Variants in HTR7 observed in about 807,000 individuals in gnomAD.
HTR7 encodes the protein 5-HT-7.
A neutral mutation model predicts 34.0 loss-of-function variants in HTR7; 16 were observed. The observed-to-expected ratio is 0.47, with a 90% CI of 0.32 to 0.71. The LOEUF is 0.71. HTR7 is among the 30% of genes least tolerant of loss of function. The pLI is 0.04. For synonymous variants in HTR7, 265 were observed against 260.2 expected (o/e 1.02, Z -0.18); for missense variants, 504 against 625.5 (o/e 0.81, Z 2.07).
rs555345880 is a variant in HTR7 at position 90,822,761 on chromosome 10, G to C, written c.539+34372C>G. On this transcript the variant is annotated intron_variant, in intron 1 of 3. Coordinates refer to ENST00000336152, the MANE Select transcript of HTR7 (RefSeq NM_019859.4). ...GCTGGGAGGGAAGAATGGTTTCATGGGCCAGGACCAGGAACCTGCTGCTCT... is the reference window on the plus strand; with the variant it reads ...GCTGGGAGGGAAGAATGGTTTCATGCGCCAGGACCAGGAACCTGCTGCTCT... Among the ~76,000 whole-genome samples the C allele has an allele frequency of 4.7e-4, 71 of 152,312 alleles. 3 individuals are homozygous for C. The South Asian group carries it at 0.015, about 32-fold the overall frequency.
intron 1 of HTR7, among the ~76,000 whole-genome samples, chr10:90,826,692 C>T (rs978706312): frequency 2.6e-5 from 4 of 152,160 alleles, no homozygotes; most frequent in African/African-American, 7.2e-5. Flanking sequence ...AATCCCAGCA[C>T]TTTGGGAGGC....
chr10:90,822,520 G>A (rs1453432558), intron 1 of HTR7, among the ~76,000 whole-genome samples: 2 of 152,198 alleles, frequency 1.3e-5, no homozygotes, highest in Non-Finnish European at 2.9e-5. Flanking sequence ...TGGAACTTAT[G>A]TTTAAAAGGG....
At chr10:90,829,029 T>C (rs1846124881) in intron 1 of HTR7, among the ~76,000 whole-genome samples, 3 of 152,096 alleles carry the variant, frequency 2.0e-5, no homozygotes, top group African/African-American at 4.8e-5. Context: ...TTCAACAACA[T>C]ACTAAAAAGA....
chr10:90,799,673 T>C (rs528964676), intron 1 of HTR7, among the ~76,000 whole-genome samples: 9 of 152,280 alleles, frequency 5.9e-5, no homozygotes, highest in Middle Eastern at 3.4e-3. Flanking sequence ...TGTTTAAATA[T>C]AATATTTCCA....
intron 1 of HTR7, among the ~76,000 whole-genome samples, chr10:90,840,003 CT>C (rs986694810): frequency 6.6e-6 from 1 of 151,668 alleles, no homozygotes; most frequent in Admixed American, 6.6e-5. Flanking sequence ...TCTTTATCCA[CT>C]TTTGTATCCT....
At chr10:90,744,463 T>C (rs777755238) in intron 2 of HTR7, among the ~76,000 whole-genome samples, 4 of 151,858 alleles carry the variant, frequency 2.6e-5, no homozygotes, top group Admixed American at 6.6e-5. Flanking sequence ...CTTGACCATT[T>C]TGATGACTCC....
At chr10:90,781,453 C>G (rs891843335) in intron 1 of HTR7, among the ~76,000 whole-genome samples, 1 of 152,134 alleles carries the variant, frequency 6.6e-6, no homozygotes, top group Non-Finnish European at 1.5e-5. Flanking sequence ...CCTCTGGAAA[C>G]AACTAGAAAA....
rs1262202749 is a variant in HTR7 at position 90,748,994 on chromosome 10, G to A, written c.1140C>T (p.Asn380=). Residue 380 remains asparagine, a synonymous_variant, in exon 2 of 4, where the codon AAC becomes AAT. Transcript: ENST00000336152. ...LWLGYANSLI[N]PFIYAFFNRD... is the part of the protein sequence containing the mutation. ...GGTTGAAGAAGGCATATATAAAAGG[G>A]TTAATGAGAGAGTTTGCATAGCCTA... 1.2e-6 allele frequency: 2 copies of A among 1,614,090 alleles called. No individual in the cohort carries two copies. Among genetic ancestry groups the A allele is most frequent in the South Asian group, 1.1e-5 (1 of 91,070 alleles).
chr10:90,743,604 T>A lies in HTR7; in HGVS notation c.1382A>T (p.Asn461Ile), dbSNP rs1447695961. The A allele has an allele frequency of 2.5e-6, 4 of 1,613,480 alleles. No homozygotes were observed. The highest frequency in any genetic ancestry group is 3.4e-6 in the Non-Finnish European group (4 of 1,179,542). The change falls in exon 3 of 4, where the codon AAT (asparagine) becomes ATT (isoleucine). Residue 461 changes from asparagine to isoleucine, a missense_variant. Around this residue, in one of 4 missense-constraint regions of HTR7, gnomAD observed 154 missense variants for 212.1 expected, o/e 0.73. Coordinates refer to ENST00000336152, the MANE Select transcript of HTR7 (RefSeq NM_019859.4). ...VWVLQSPDHH[N>I]WLADKMLTTV... ...TCCTTGCTACCCACCTGCTAACCAA[T>A]TGTGATGGTCTGGAGATTGTAGCAC...
intron 1 of HTR7, among the ~76,000 whole-genome samples, chr10:90,788,228 T>C (rs577172789): frequency 2.0e-5 from 3 of 152,096 alleles, no homozygotes; most frequent in Non-Finnish European, 4.4e-5. Flanking sequence ...TGCAGACCTC[T>C]GACAGCTGAT....
chr10:90,829,601 A>G (rs1846133443), intron 1 of HTR7, among the ~76,000 whole-genome samples: 1 of 151,980 alleles, frequency 6.6e-6, no homozygotes, highest in Admixed American at 6.6e-5. Context: ...GTTATTCAAC[A>G]CAGTACTGGA....
chr10:90,779,829 G>A (rs757451302), intron 1 of HTR7, among the ~76,000 whole-genome samples: 4 of 152,160 alleles, frequency 2.6e-5, no homozygotes, highest in Non-Finnish European at 5.9e-5. Flanking sequence ...ATTTGTGAGC[G>A]ACACAAATGC....
At chr10:90,831,428 C>T (rs1051300292) in intron 1 of HTR7, among the ~76,000 whole-genome samples, 1 of 151,952 alleles carries the variant, frequency 6.6e-6, no homozygotes, top group Non-Finnish European at 1.5e-5. Context: ...TTCGTGGTCT[C>T]GGTGACTTCA....
At chr10:90,763,405 G>T (rs949883438) in intron 1 of HTR7, among the ~76,000 whole-genome samples, 1 of 146,394 alleles carries the variant, frequency 6.8e-6, no homozygotes, top group Non-Finnish European at 1.5e-5. Context: ...TACTATAATT[G>T]GAATTGTTTT....
intron 1 of HTR7, among the ~76,000 whole-genome samples, chr10:90,762,480 T>G (rs770577232): frequency 3.3e-5 from 5 of 152,204 alleles, no homozygotes; most frequent in Non-Finnish European, 7.3e-5. Context: ...TTAATGGAAT[T>G]ATATGGGTTT....
Position 90,832,784 on chromosome 10 carries a change from C to T in HTR7, c.539+24349G>A, listed in dbSNP as rs80288294. ...TTCAGCAACAGAACATTCGCCATCC[C>T]AGGCCCACAGGGAGGAGGGAAGAGG... On this transcript the variant is annotated intron_variant, in intron 1 of 3. Transcript: ENST00000336152. 9.1e-4 allele frequency among the ~76,000 whole-genome samples: 138 copies of T among 152,274 alleles called. 1 individual carries two copies. The East Asian group carries it at 0.023, about 26-fold the overall frequency.
intron 1 of HTR7, among the ~76,000 whole-genome samples, chr10:90,784,219 T>G (rs1845349053): frequency 6.6e-6 from 1 of 152,236 alleles, no homozygotes; most frequent in Non-Finnish European, 1.5e-5. Context: ...ATTAATTATA[T>G]AGGACTCTGA....
rs188706807 is a variant in HTR7, at chr10:90,828,239, T to C, written c.539+28894A>G. On this transcript the variant is annotated intron_variant, in intron 1 of 3. Coordinates refer to ENST00000336152, the MANE Select transcript of HTR7 (RefSeq NM_019859.4). ...GTAATAAGAGAGAAGTTTATAGTTATAAGTGCCTACATAAAAAAAGTAGAA... is the reference window on the plus strand; with the variant it reads ...GTAATAAGAGAGAAGTTTATAGTTACAAGTGCCTACATAAAAAAAGTAGAA... Among the ~76,000 whole-genome samples the C allele has an allele frequency of 2.2e-4, 33 of 152,302 alleles. 1 individual carries two copies. Among genetic ancestry groups the C allele is most frequent in the Admixed American group, 1.9e-3 (29 of 15,306 alleles).
intron 1 of HTR7, among the ~76,000 whole-genome samples, chr10:90,774,904 C>T (rs562755236): frequency 3.5e-4 from 53 of 152,228 alleles, no homozygotes; most frequent in African/African-American, 1.2e-3. Context: ...CATTCTTAAA[C>T]GAATCACAGG....
Sources: allele counts gnomAD v4.1 joint callset (sites outside exome capture counted in the v4.1 genomes callset), GRCh38; gene constraint gnomAD v4.1.1; regional missense constraint gnomAD v4.1.1; transcripts MANE v1.5; gene names NCBI Gene and HGNC (gene_info 2026-07-23, HGNC 2026-07-21).